Variants in RUVBL2 observed in about 807,000 individuals in gnomAD.
RUVBL2 encodes the protein ruvB-like 2.
Under a neutral mutation model 57.9 loss-of-function variants are expected in RUVBL2, and 9 were observed. The observed-to-expected ratio is 0.16, with a 90% CI of 0.09 to 0.27. The LOEUF (loss-of-function observed/expected upper bound fraction) is 0.27. Ranked by LOEUF, RUVBL2 falls within the 10% of genes least tolerant of loss-of-function variation. The pLI is 1.00. For synonymous variants in RUVBL2, 278 were observed against 264.6 expected, an observed-to-expected ratio of 1.05 and a Z score of -0.49; for missense variants, 456 against 669.6, an observed-to-expected ratio of 0.68 and a Z score of 3.52.
chr19:49,007,308 G>A lies in RUVBL2; in HGVS notation c.402G>A (p.Glu134=), dbSNP rs767354418. The A allele has an allele frequency of 1.3e-5, 21 of 1,613,882 alleles. No homozygotes were observed. The African/African-American group carries it at 2.7e-4, about 21-fold the overall frequency. The change falls in exon 6 of 15, where the codon GAG becomes GAA. Residue 134 remains glutamate (E), a synonymous_variant. Transcript: ENST00000595090. Reference sequence around the variant, plus strand: ...AGATCTGCTCTCTGGCTAGGGAGGAGACGGAGATCATCGAAGGGGAGGTGG... The same window carrying A: ...AGATCTGCTCTCTGGCTAGGGAGGAAACGGAGATCATCGAAGGGGAGGTGG... ...RRSIGVRIKE[E]TEIIEGEVVE...
chr19:49,009,577 G>T (rs1371592868), intron 6 of RUVBL2, among the ~76,000 whole-genome samples, 199 bp from the exon 7 acceptor site: 1 of 152,208 alleles, frequency 6.6e-6, no homozygotes, highest in Non-Finnish European at 1.5e-5. Context: ...GGACATACAT[G>T]TTCAGCCGCG....
intron 11 of RUVBL2, among the ~76,000 whole-genome samples, chr19:49,012,756 CT>C: frequency 6.6e-6 from 1 of 152,182 alleles, no homozygotes; most frequent in Admixed American, 6.5e-5. Flanking sequence ...ACGTTTGTCA[CT>C]TTTGTTCTTT....
At chr19:49,001,024 TG>T (rs2039168428) in intron 2 of RUVBL2, among the ~76,000 whole-genome samples, 1 of 151,286 alleles carries the variant, frequency 6.6e-6, no homozygotes, top group South Asian at 2.1e-4. Flanking sequence ...CCGGCAGTGG[TG>T]GTCCATGCCT....
intron 1 of RUVBL2, among the ~76,000 whole-genome samples, chr19:48,996,768 C>T (rs1399770159): frequency 2.7e-5 from 4 of 150,868 alleles, no homozygotes; most frequent in African/African-American, 9.8e-5. Flanking sequence ...CTCAAGTGAT[C>T]CACCTGCCTT....
rs1334123705 is a variant in RUVBL2 at position 49,006,734 on chromosome 19, G to C, written c.266-284G>C. 2.6e-5 allele frequency among the ~76,000 whole-genome samples: 4 copies of C among 152,242 alleles called. No individual in the cohort carries two copies. In the South Asian group the frequency reaches 6.2e-4, roughly 24 times the overall value. ...GTAGAGGCTGGGAGACTGAGGTGTGGCGAGGTTCTAGGGTGTACCCTCTGG... is the reference window on the plus strand; with the variant it reads ...GTAGAGGCTGGGAGACTGAGGTGTGCCGAGGTTCTAGGGTGTACCCTCTGG... On this transcript the variant is annotated intron_variant, in intron 4 of 14. Coordinates refer to ENST00000595090, the MANE Select transcript of RUVBL2 (RefSeq NM_006666.3).
chr19:49,000,956 A>G (rs1196698385), intron 2 of RUVBL2, among the ~76,000 whole-genome samples: 2 of 151,936 alleles, frequency 1.3e-5, no homozygotes, highest in Non-Finnish European at 2.9e-5. Flanking sequence ...CAGGAGTTCA[A>G]GACCAGCCTG....
intron 6 of RUVBL2, among the ~76,000 whole-genome samples, chr19:49,009,160 CAAAAAAAAAAAAAAAAAAAAAAAAAAAA>C (rs61402282): frequency 4.7e-5 from 1 of 21,410 alleles, no homozygotes; most frequent in Admixed American, 9.0e-4. Context: ...GACTCTATCT[CAAAAAAAAAAAAAAAAAAAAAAAAAAAA>C]AAAAAAAAGA....
intron 1 of RUVBL2, 80 bp downstream of exon 1, chr19:48,994,003 C>G: frequency 6.5e-7 from 1 of 1,549,336 alleles, no homozygotes; most frequent in Non-Finnish European, 8.8e-7. Flanking sequence ...GGCCCTGACT[C>G]CTGGGTCTGA....
At chr19:49,004,088 C>G in intron 3 of RUVBL2, 189 bp from the exon 4 acceptor site, 1 of 723,354 alleles carries the variant, frequency 1.4e-6, no homozygotes. Context: ...TGTACTTCAG[C>G]CTGGGTGACA....
intron 6 of RUVBL2, among the ~76,000 whole-genome samples, chr19:49,007,852 GTGCA>G (rs1287150988): frequency 6.6e-6 from 1 of 151,950 alleles, no homozygotes; most frequent in Non-Finnish European, 1.5e-5. Flanking sequence ...TTACAGGTGT[GTGCA>G]TGCCACCACG....
intron 1 of RUVBL2, among the ~76,000 whole-genome samples, chr19:48,996,153 A>G (rs2039054681): frequency 6.6e-6 from 1 of 151,814 alleles, no homozygotes; most frequent in Non-Finnish European, 1.5e-5. Context: ...CTTATCTCAA[A>G]AAAAAAAACA....
At chr19:49,013,783 G>A (rs564645743) in intron 11 of RUVBL2, among the ~76,000 whole-genome samples, 32 of 152,282 alleles carry the variant, frequency 2.1e-4, no homozygotes, top group African/African-American at 7.2e-4. Flanking sequence ...GCGTGATGGC[G>A]TGCGCCTGTA....
chr19:48,996,546 G>T (rs1229039133), intron 1 of RUVBL2, among the ~76,000 whole-genome samples: 1 of 150,258 alleles, frequency 6.7e-6, no homozygotes, highest in East Asian at 2.0e-4. Flanking sequence ...GTGTGTTAGT[G>T]ATAGAGTCTT....
intron 4 of RUVBL2, 139 bp downstream of exon 4, chr19:49,004,557 C>A: frequency 1.2e-6 from 1 of 849,316 alleles, no homozygotes; most frequent in Non-Finnish European, 1.8e-6. Context: ...CATTCTTGCC[C>A]ATGGAAGAAT....
chr19:49,009,425 T>G (rs1205403605), intron 6 of RUVBL2, among the ~76,000 whole-genome samples: 1 of 151,330 alleles, frequency 6.6e-6, no homozygotes, highest in Non-Finnish European at 1.5e-5. Flanking sequence ...AGGCAGAGCT[T>G]GCAGTGAGCC....
chr19:49,011,003 CA>C lies in RUVBL2; in HGVS notation c.793del (p.Thr265GlnfsTer60). 1 of 1,612,028 alleles carries C rather than the reference CA, an allele frequency of 6.2e-7. No individual in the cohort carries two copies. The highest frequency in any genetic ancestry group is 8.5e-7 in the Non-Finnish European group (1 of 1,179,540). On this transcript the variant is annotated frameshift_variant, in exon 10 of 15. Coordinates refer to ENST00000595090, the MANE Select transcript of RUVBL2 (RefSeq NM_006666.3). LOFTEE classifies it high-confidence loss of function. The surrounding 1 kb of genome is among the most constrained non-coding windows in gnomAD (Gnocchi z 4.4). Reference sequence around the variant, plus strand: ...TGCAACCTGTGCCTCCCATAGGTGACACAGGGGAGATCAAGTCAGAAGTCCG... The same window carrying C: ...TGCAACCTGTGCCTCCCATAGGTGACCAGGGGAGATCAAGTCAGAAGTCCG... The part of the protein sequence containing the change: ...QGFLALFSGD[T>X]GEIKSEVREQ...
intron 6 of RUVBL2, among the ~76,000 whole-genome samples, chr19:49,008,180 G>T (rs1421941107): frequency 2.0e-5 from 3 of 149,608 alleles, no homozygotes; most frequent in Non-Finnish European, 4.5e-5. Flanking sequence ...GTTTTTGATA[G>T]ACTTTATTTT....
At chr19:49,015,753 C>T (rs563521941) in intron 14 of RUVBL2, 64 bp from the exon 15 acceptor site, 25 of 1,611,444 alleles carry the variant, frequency 1.6e-5, no homozygotes, top group Middle Eastern at 3.3e-4. Flanking sequence ...GGGAGCTCGG[C>T]GTAGAAGGCT....
chr19:49,015,004 T>C lies in RUVBL2; in HGVS notation c.1122-17T>C. 6.3e-7 allele frequency: 1 copy of C among 1,585,902 alleles called. No individual in the cohort carries two copies. ...CTGGGCCCCGGCTGAGCCACCCCTG[T>C]CCCCCACTGCTTGCAGGTGCGAGGA... is the stretch of plus-strand genomic sequence containing the variant. On this transcript the variant is annotated splice_polypyrimidine_tract_variant and intron_variant, in intron 12 of 14. Transcript: ENST00000595090.
Sources: allele counts gnomAD v4.1 joint callset (sites outside exome capture counted in the v4.1 genomes callset), GRCh38; gene constraint gnomAD v4.1.1; non-coding constraint Gnocchi (gnomAD v3.1); transcripts MANE v1.5; gene names NCBI Gene and HGNC (gene_info 2026-07-23, HGNC 2026-07-21).